The following TNNI3K variants were observed in gnomAD, a reference collection of about 807,000 sequenced individuals.
TNNI3K encodes TNNI3 interacting kinase, also known as serine/threonine-protein kinase TNNI3K.
In TNNI3K, 140 loss-of-function variants were observed where a neutral mutation model predicts 114.5. The ratio of observed to expected loss-of-function variants is 1.22; its 90% CI spans 1.07 to 1.41. The LOEUF is 1.41. Among genes scored for constraint, TNNI3K ranks in the 40% most tolerant of loss-of-function variants. The probability of loss-of-function intolerance (pLI) is 0.00; values close to 1 mark genes in which losing one functional copy is unlikely to be tolerated. For missense variants in TNNI3K, 1,125 were observed against 1,007.6 expected, an observed-to-expected ratio of 1.12 and a Z score of -1.58; for synonymous variants, 347 against 347.5, an observed-to-expected ratio of 1.00 and a Z score of 0.02.
At chr1:74,504,269 T>G (rs751575468) in intron 23 of TNNI3K, among the ~76,000 whole-genome samples, 19 of 152,208 alleles carry the variant, frequency 1.2e-4, no homozygotes, top group Non-Finnish European at 2.6e-4. Flanking sequence ...TCGGCTGATG[T>G]GGACTAAAGT....
At chr1:74,520,694 A>G (rs1245266982) in intron 23 of TNNI3K, among the ~76,000 whole-genome samples, 1 of 152,108 alleles carries the variant, frequency 6.6e-6, no homozygotes, top group Non-Finnish European at 1.5e-5. Context: ...ACTGAGAACA[A>G]AAGAGAAGGA....
intron 19 of TNNI3K, among the ~76,000 whole-genome samples, chr1:74,436,911 C>A (rs377764729): frequency 6.6e-6 from 1 of 152,098 alleles, no homozygotes; most frequent in Non-Finnish European, 1.5e-5. Context: ...TCATCGTTCT[C>A]CACTTTAACA....
intron 2 of TNNI3K, among the ~76,000 whole-genome samples, chr1:74,244,560 T>G (rs1654440272): frequency 6.6e-6 from 1 of 151,320 alleles, no homozygotes; most frequent in South Asian, 2.1e-4. Context: ...TATTCCATGT[T>G]CATTTGTTTT....
At chr1:74,528,920 C>A (rs1646543561) in intron 23 of TNNI3K, among the ~76,000 whole-genome samples, 1 of 152,096 alleles carries the variant, frequency 6.6e-6, no homozygotes, top group South Asian at 2.1e-4. Context: ...AGAAAATAAG[C>A]CTGAAACATC....
At chr1:74,308,607 A>G (rs1019980466) in intron 5 of TNNI3K, among the ~76,000 whole-genome samples, 2 of 152,154 alleles carry the variant, frequency 1.3e-5, no homozygotes, top group Non-Finnish European at 2.9e-5. Flanking sequence ...GAGCTAGAAA[A>G]ACAAGAACTT....
At chr1:74,500,836 A>G (rs1337658822) in intron 23 of TNNI3K, among the ~76,000 whole-genome samples, 1 of 151,852 alleles carries the variant, frequency 6.6e-6, no homozygotes, top group Non-Finnish European at 1.5e-5. Context: ...AATTTCATCT[A>G]TGAATCTAAT....
chr1:74,283,589 T>C (rs1657144049), intron 5 of TNNI3K, among the ~76,000 whole-genome samples: 1 of 152,216 alleles, frequency 6.6e-6, no homozygotes, highest in Non-Finnish European at 1.5e-5. Context: ...ATCAGCTTGC[T>C]GCCCTGGAAA....
At chr1:74,475,116 C>CCCCACACA (rs371437916) in intron 21 of TNNI3K, among the ~76,000 whole-genome samples, 14 of 135,994 alleles carry the variant, frequency 1.0e-4, no homozygotes, top group African/African-American at 3.6e-4. Context: ...CCACCTCAGC[C>CCCCACACA]CACACACACA....
At chr1:74,259,221 T>C (rs1427061897) in intron 4 of TNNI3K, among the ~76,000 whole-genome samples, 2 of 152,196 alleles carry the variant, frequency 1.3e-5, no homozygotes, top group Non-Finnish European at 2.9e-5. Context: ...ATCTTCCGTC[T>C]ATAAGCTGGA....
At chr1:74,538,316 C>T (rs1348914032) in intron 23 of TNNI3K, among the ~76,000 whole-genome samples, 1 of 151,900 alleles carries the variant, frequency 6.6e-6, no homozygotes, top group Non-Finnish European at 1.5e-5. Flanking sequence ...TGTGGTAAGG[C>T]TTTTATTATA....
At chr1:74,389,719 T>C in intron 17 of TNNI3K, among the ~76,000 whole-genome samples, 1 of 152,182 alleles carries the variant, frequency 6.6e-6, no homozygotes, top group East Asian at 1.9e-4. Context: ...ATAGAAAGTG[T>C]TGAAAAACTG....
In TNNI3K at chr1:74,282,978, G is replaced by A. The variant is rs561455118; in HGVS notation, c.444+11270G>A. Among the ~76,000 whole-genome samples the A allele has an allele frequency of 3.3e-5, 5 of 152,102 alleles. No individual in the cohort carries two copies. In the South Asian group the frequency reaches 1.0e-3, roughly 32 times the overall value. On this transcript the variant is annotated intron_variant, in intron 5 of 24. Transcript: ENST00000326637. ...AAATTATTGTTTCAATATCAATCTAGGGAATGTCACTAATGATTGATAGGT... is the reference window on the plus strand; with the variant it reads ...AAATTATTGTTTCAATATCAATCTAAGGAATGTCACTAATGATTGATAGGT...
chr1:74,427,844 T>A (rs1665708914), intron 17 of TNNI3K, among the ~76,000 whole-genome samples: 1 of 152,098 alleles, frequency 6.6e-6, no homozygotes, highest in Non-Finnish European at 1.5e-5. Context: ...AACCTCAGAA[T>A]CAATAGCATG....
intron 17 of TNNI3K, among the ~76,000 whole-genome samples, chr1:74,396,292 A>G (rs1015467305): frequency 6.6e-6 from 1 of 152,108 alleles, no homozygotes; most frequent in African/African-American, 2.4e-5. Context: ...AATGTAAGAG[A>G]GACATTGAGA....
chr1:74,348,741 T>G (rs1661161898), intron 9 of TNNI3K, among the ~76,000 whole-genome samples: 1 of 152,176 alleles, frequency 6.6e-6, no homozygotes, highest in African/African-American at 2.4e-5. Flanking sequence ...TTCCTAGGTA[T>G]TTTATTCTCT....
At chr1:74,442,976 A>G (rs1215573805) in intron 20 of TNNI3K, among the ~76,000 whole-genome samples, 1 of 152,212 alleles carries the variant, frequency 6.6e-6, no homozygotes, top group African/African-American at 2.4e-5. Flanking sequence ...GAGAACAAAG[A>G]GACAACATAC....
chr1:74,529,570 T>C (rs1646553911), intron 23 of TNNI3K, among the ~76,000 whole-genome samples: 1 of 152,224 alleles, frequency 6.6e-6, no homozygotes, highest in African/African-American at 2.4e-5. Flanking sequence ...AAAACTTGAA[T>C]GGCGTCTGAG....
intron 21 of TNNI3K, among the ~76,000 whole-genome samples, chr1:74,486,404 A>G (rs1238750152): frequency 1.3e-5 from 2 of 152,066 alleles, no homozygotes; most frequent in Non-Finnish European, 2.9e-5. Flanking sequence ...GATCATTCAG[A>G]TACTGAATGG....
intron 11 of TNNI3K, among the ~76,000 whole-genome samples, chr1:74,363,542 G>A (rs1662089078): frequency 6.6e-6 from 1 of 152,018 alleles, no homozygotes; most frequent in Non-Finnish European, 1.5e-5. Context: ...GAAATGAAAG[G>A]TAACATCAAG....
Sources: allele counts gnomAD v4.1 joint callset (sites outside exome capture counted in the v4.1 genomes callset), GRCh38; gene constraint gnomAD v4.1.1; transcripts MANE v1.5; gene names NCBI Gene and HGNC (gene_info 2026-07-23, HGNC 2026-07-21).